Variants in USP47 observed in about 807,000 individuals in gnomAD.
The protein encoded by USP47 is ubiquitin carboxyl-terminal hydrolase 47.
Under a neutral mutation model 165.1 loss-of-function variants are expected in USP47, and 35 were observed. That is an observed-to-expected ratio of 0.21 (90% confidence interval 0.16 to 0.28). The LOEUF (loss-of-function observed/expected upper bound fraction) is 0.28. USP47 is among the 10% of genes least tolerant of loss of function. The probability of loss-of-function intolerance (pLI) is 1.00; values close to 1 mark genes in which losing one functional copy is unlikely to be tolerated. For missense variants in USP47, 1,277 were observed against 1,607.4 expected, an observed-to-expected ratio of 0.79 and a Z score of 3.52; for synonymous variants, 531 against 544.5, an observed-to-expected ratio of 0.98 and a Z score of 0.35.
At chr11:11,897,454 G>T in intron 4 of USP47, 143 bp from the exon 5 acceptor site, 3 of 590,418 alleles carry the variant, frequency 5.1e-6, no homozygotes, top group South Asian at 2.7e-5. Flanking sequence ...CTTTTCTTAG[G>T]TGCTGTTGAA....
intron 2 of USP47, among the ~76,000 whole-genome samples, chr11:11,883,489 T>A (rs1311463458): frequency 6.6e-6 from 1 of 151,076 alleles, no homozygotes; most frequent in Non-Finnish European, 1.5e-5. Context: ...TTACAGTTAA[T>A]TTTTTTTGTC....
chr11:11,903,134 A>G (rs1852334814), intron 6 of USP47, 129 bp from the exon 7 acceptor site: 3 of 900,374 alleles, frequency 3.3e-6, no homozygotes. Flanking sequence ...GTATATTCTT[A>G]TGTTCTTTTT....
In USP47 at chr11:11,884,503, G is replaced by A. The variant is rs34511735; in HGVS notation, c.280G>A (p.Asp94Asn). 18 of 1,611,362 alleles carry A rather than the reference G, an allele frequency of 1.1e-5. No homozygotes were observed. Among genetic ancestry groups the A allele is most frequent in the African/African-American group, 2.7e-5 (2 of 74,780 alleles). ...TCATACCAGTGACAAGTCACTTCTCGACGCTAATTTTGAGCCAGGAAAGAA... is the reference window on the plus strand; with the variant it reads ...TCATACCAGTGACAAGTCACTTCTCAACGCTAATTTTGAGCCAGGAAAGAA... The part of the protein sequence containing the change: ...LDHTSDKSLL[D>N]ANFEPGKKNF... The change falls in exon 3 of 28, where the codon GAC (aspartate) becomes AAC (asparagine). Residue 94 changes from aspartate (D) to asparagine (N), a missense_variant. By Grantham distance (23) the Asp-to-Asn change is conservative. Transcript: ENST00000527733.
At chr11:11,902,961 C>A in intron 6 of USP47, 101 bp downstream of exon 6, 1 of 1,246,498 alleles carries the variant, frequency 8.0e-7, no homozygotes, top group Non-Finnish European at 1.1e-6. Context: ...TTATCTTAAA[C>A]CTTTCATTGC....
rs932816576 is a variant in USP47, at chr11:11,960,816, A to C, written c.*4641A>C. On this transcript the variant is annotated 3_prime_UTR_variant, in exon 28 of 28. Coordinates refer to ENST00000527733, the MANE Select transcript of USP47 (RefSeq NM_001282659.2). Reference sequence around the variant, plus strand: ...CCAAATAGTTGAATTGCATTTCTTGAGTATCTGGAGAGGATGTGCAGACCA... The same window carrying C: ...CCAAATAGTTGAATTGCATTTCTTGCGTATCTGGAGAGGATGTGCAGACCA... Among the ~76,000 whole-genome samples, 1 of 152,158 alleles carries C rather than the reference A, an allele frequency of 6.6e-6. No individual in the cohort carries two copies. The highest frequency in any genetic ancestry group is 1.5e-5 in the Non-Finnish European group (1 of 68,032).
Position 11,948,502 on chromosome 11 carries a change from CT to C in USP47, c.3294del (p.Gly1101GlufsTer22). 6.2e-7 allele frequency: 1 copy of C among 1,612,772 alleles called. No homozygotes were observed. The highest frequency in any genetic ancestry group is 8.5e-7 in the Non-Finnish European group (1 of 1,179,186). On this transcript the variant is annotated frameshift_variant, in exon 22 of 28. Coordinates refer to ENST00000527733, the MANE Select transcript of USP47 (RefSeq NM_001282659.2). LOFTEE classifies it high-confidence loss of function. ...NKITIRLGRA[L>X]KKGEYRVKVY... Reference sequence around the variant, plus strand: ...GATTACAATTAGACTGGGGAGAGCACTTAAAAAAGGAGAATACAGAGTTAAA... The same window carrying C: ...GATTACAATTAGACTGGGGAGAGCACTAAAAAAGGAGAATACAGAGTTAAA...
intron 1 of USP47, among the ~76,000 whole-genome samples, chr11:11,862,020 A>C (rs1849412273): frequency 7.0e-6 from 1 of 142,928 alleles, no homozygotes; most frequent in African/African-American, 2.7e-5. Context: ...AACAGGTACA[A>C]AGTCTTTTTT....
intron 9 of USP47, 30 bp from the exon 10 acceptor site, chr11:11,920,312 C>G: frequency 1.9e-6 from 3 of 1,606,460 alleles, no homozygotes; most frequent in Non-Finnish European, 2.5e-6. Context: ...ATTCAATAGA[C>G]TCTCCCCCTT....
intron 8 of USP47, among the ~76,000 whole-genome samples, chr11:11,906,762 T>A (rs1473542347): frequency 6.6e-6 from 1 of 152,180 alleles, no homozygotes; most frequent in Non-Finnish European, 1.5e-5. Flanking sequence ...GTTTTTATTT[T>A]TTAACCTTAT....
At chr11:11,863,326 G>T (rs562701353) in intron 1 of USP47, among the ~76,000 whole-genome samples, 1 of 152,004 alleles carries the variant, frequency 6.6e-6, no homozygotes, top group Non-Finnish European at 1.5e-5. Context: ...CTTAGAAACT[G>T]AAAAAAGGCT....
intron 5 of USP47, 62 bp downstream of exon 5, chr11:11,897,755 C>A: frequency 8.6e-7 from 1 of 1,166,778 alleles, no homozygotes; most frequent in Non-Finnish European, 1.2e-6. Flanking sequence ...TCACTTTTAA[C>A]AAAATTTATC....
At chr11:11,867,484 A>G (rs1476088756) in intron 1 of USP47, among the ~76,000 whole-genome samples, 1 of 152,126 alleles carries the variant, frequency 6.6e-6, no homozygotes, top group African/African-American at 2.4e-5. Context: ...TTTTTCAAAT[A>G]TTTTAAATGT....
chr11:11,921,190 T>C (rs1222252851), intron 10 of USP47, among the ~76,000 whole-genome samples: 1 of 151,788 alleles, frequency 6.6e-6, no homozygotes, highest in Non-Finnish European at 1.5e-5. Context: ...TCACTTAGGC[T>C]AATTATTTCA....
At chr11:11,929,604 G>A in intron 12 of USP47, 39 bp downstream of exon 12, 1 of 1,604,338 alleles carries the variant, frequency 6.2e-7, no homozygotes, top group Non-Finnish European at 8.5e-7. Context: ...TCTGAAAGGT[G>A]GGAGTAAGGA....
At chr11:11,886,329 G>A (rs1356251179) in intron 3 of USP47, among the ~76,000 whole-genome samples, 1 of 152,146 alleles carries the variant, frequency 6.6e-6, no homozygotes, top group African/African-American at 2.4e-5. Context: ...GTAACCTAAT[G>A]TAAAGAAGCT....
Position 11,942,926 on chromosome 11 carries a change from A to G in USP47, c.2905A>G (p.Ser969Gly). 3.1e-6 allele frequency: 5 copies of G among 1,613,650 alleles called. No individual in the cohort carries two copies. Among genetic ancestry groups the G allele is most frequent in the Middle Eastern group, 1.7e-4 (1 of 6,058 alleles). Residue 969 changes from serine (S) to glycine (G), a missense_variant, in exon 20 of 28, where the codon AGT becomes GGT. Transcript: ENST00000527733. ...TTTGGCTAATGGACTTGACTCTCAC[A>G]GTATCACAAGTAGTAGAAGAACGAA... is the stretch of plus-strand genomic sequence containing the variant. ...IPLANGLDSH[S>G]ITSSRRTKAN...
intron 8 of USP47, among the ~76,000 whole-genome samples, chr11:11,915,326 A>T (rs1027543601): frequency 1.3e-5 from 2 of 152,170 alleles, no homozygotes; most frequent in African/African-American, 4.8e-5. Context: ...ACCAGGTCTT[A>T]CGGATTTGGT....
At chr11:11,945,468 AT>A (rs1282771551) in intron 20 of USP47, among the ~76,000 whole-genome samples, 1 of 152,216 alleles carries the variant, frequency 6.6e-6, no homozygotes, top group Non-Finnish European at 1.5e-5. Context: ...AGCAGTTATA[AT>A]CCAAGAGTTG....
intron 1 of USP47, among the ~76,000 whole-genome samples, chr11:11,869,245 A>G (rs913665210): frequency 6.6e-6 from 1 of 151,670 alleles, no homozygotes; most frequent in African/African-American, 2.4e-5. Flanking sequence ...TTATAGTTTT[A>G]TGTTTTCCAT....
Sources: gnomAD v4.1 joint callset for allele counts (sites outside exome capture counted in the v4.1 genomes callset) on GRCh38, gnomAD v4.1.1 for gene constraint, MANE v1.5 for transcripts, NCBI Gene and HGNC (gene_info 2026-07-23, HGNC 2026-07-21) for gene names.